FGF14: variants seen among roughly 807,000 people sequenced by gnomAD.
The protein encoded by FGF14 is fibroblast growth factor 14.
Under a neutral mutation model 25.5 loss-of-function variants are expected in FGF14, and 5 were observed. The observed-to-expected ratio is 0.20, with a 90% CI of 0.10 to 0.41. The LOEUF (loss-of-function observed/expected upper bound fraction) is 0.41, where lower values mean the gene tolerates loss of function less well. Among genes scored for constraint, FGF14 ranks in the 10% least tolerant of loss-of-function variants. The pLI, the probability that FGF14 is intolerant of heterozygous loss-of-function variation, is 1.00. For synonymous variants in FGF14, 138 were observed against 118.3 expected, an observed-to-expected ratio of 1.17 and a Z score of -1.08; for missense variants, 222 against 320.1, an observed-to-expected ratio of 0.69 and a Z score of 2.34.
At chr13:102,233,350 C>T (rs762756189) in intron 1 of FGF14, among the ~76,000 whole-genome samples, 5 of 152,024 alleles carry the variant, frequency 3.3e-5, no homozygotes, top group African/African-American at 4.8e-5. Flanking sequence ...AGGCTGTTTT[C>T]GAACTCCTGA....
At chr13:102,290,355 T>C (rs1045855349) in intron 1 of FGF14, among the ~76,000 whole-genome samples, 17 of 152,140 alleles carry the variant, frequency 1.1e-4, no homozygotes, top group African/African-American at 3.9e-4. Context: ...TGCCTGGATA[T>C]TGGACATCCC....
intron 1 of FGF14, among the ~76,000 whole-genome samples, chr13:102,330,134 C>A (rs1369531838): frequency 6.6e-6 from 1 of 152,156 alleles, no homozygotes; most frequent in African/African-American, 2.4e-5. Flanking sequence ...GAGGACAATT[C>A]AGTATTGTTC....
intron 3 of FGF14, among the ~76,000 whole-genome samples, chr13:101,769,715 C>T (rs140721265): frequency 3.6e-4 from 55 of 152,280 alleles, no homozygotes; most frequent in African/African-American, 1.2e-3. Context: ...TAAAAGCCTA[C>T]ATACCACATG....
intron 1 of FGF14, among the ~76,000 whole-genome samples, chr13:101,906,980 C>A (rs766370676): frequency 6.6e-6 from 1 of 152,044 alleles, no homozygotes; most frequent in South Asian, 2.1e-4. Context: ...TTTCTTTCTA[C>A]ATAATGCTTA....
At chr13:102,212,473 G>A (rs1216941975) in intron 1 of FGF14, among the ~76,000 whole-genome samples, 2 of 152,112 alleles carry the variant, frequency 1.3e-5, no homozygotes, top group African/African-American at 4.8e-5. Context: ...TGCTCCCTGG[G>A]CAGCCCTGTC....
At chr13:102,159,139 CAAAAAAAAA>C (rs1228096265) in intron 1 of FGF14, among the ~76,000 whole-genome samples, 1 of 74,124 alleles carries the variant, frequency 1.3e-5, no homozygotes, top group Non-Finnish European at 2.7e-5. Flanking sequence ...GACTCTGTCT[CAAAAAAAAA>C]AAAAAAAAAG....
At chr13:101,726,949 C>G (rs2035479587) in intron 3 of FGF14, 139 bp from the exon 4 acceptor site, 1 of 620,554 alleles carries the variant, frequency 1.6e-6, no homozygotes. Context: ...TTCCTGCGCA[C>G]AGTAATTGTC....
intron 3 of FGF14, among the ~76,000 whole-genome samples, chr13:101,748,144 C>T (rs762860872): frequency 6.6e-6 from 1 of 151,624 alleles, no homozygotes; most frequent in Non-Finnish European, 1.5e-5. Context: ...AGAAATTATT[C>T]TATAAAAAAA....
chr13:102,382,679 T>C (rs2058211895), intron 1 of FGF14, among the ~76,000 whole-genome samples: 1 of 152,140 alleles, frequency 6.6e-6, no homozygotes, highest in South Asian at 2.1e-4. Flanking sequence ...TAAATGTTCA[T>C]AGCTGCATTA....
chr13:102,033,355 T>C (rs750905993), intron 1 of FGF14, among the ~76,000 whole-genome samples: 5 of 152,056 alleles, frequency 3.3e-5, no homozygotes, highest in Non-Finnish European at 5.9e-5. Context: ...TGAGAAGTGG[T>C]GGTTAAAATG....
chr13:102,044,159 G>A lies in FGF14; in HGVS notation c.209-168863C>T, dbSNP rs78853089. On this transcript the variant is annotated intron_variant, in intron 1 of 4. Coordinates refer to the FGF14 transcript ENST00000376131. Reference sequence around the variant, plus strand: ...TTCATCTCACCTGGGGTCAAGACCCGGTTGGCCAGCTGACTGGCCACTGAC... The same window carrying A: ...TTCATCTCACCTGGGGTCAAGACCCAGTTGGCCAGCTGACTGGCCACTGAC... 9.3e-4 allele frequency among the ~76,000 whole-genome samples: 141 copies of A among 152,200 alleles called. 2 individuals are homozygous for A. In the East Asian group the frequency reaches 0.023, roughly 25 times the overall value.
chr13:102,219,005 T>C (rs1467443264), intron 1 of FGF14, among the ~76,000 whole-genome samples: 1 of 152,178 alleles, frequency 6.6e-6, no homozygotes, highest in African/African-American at 2.4e-5. Context: ...CGGCATACAA[T>C]GCATAATAAT....
chr13:102,311,764 G>C (rs1332275307), intron 1 of FGF14, among the ~76,000 whole-genome samples: 22 of 152,174 alleles, frequency 1.4e-4, no homozygotes, highest in Non-Finnish European at 2.9e-5. Flanking sequence ...TCATAGATGA[G>C]AGCTGAACAA....
intron 1 of FGF14, among the ~76,000 whole-genome samples, chr13:102,193,984 T>C (rs2049235311): frequency 6.6e-6 from 1 of 152,124 alleles, no homozygotes; most frequent in Non-Finnish European, 1.5e-5. Context: ...TAAATTATAA[T>C]TTAAAGCCAT....
At chr13:102,081,308 A>C (rs1308069307) in intron 1 of FGF14, among the ~76,000 whole-genome samples, 1 of 152,222 alleles carries the variant, frequency 6.6e-6, no homozygotes, top group East Asian at 1.9e-4. Flanking sequence ...TAGATGCCTG[A>C]GGTGTTTAAG....
chr13:102,256,462 C>G (rs547258565), intron 1 of FGF14, among the ~76,000 whole-genome samples: 1 of 152,220 alleles, frequency 6.6e-6, no homozygotes, highest in Admixed American at 6.5e-5. Context: ...CACGCCACTG[C>G]ACTCCAGCCT....
chr13:101,870,585 A>G (rs980898294), intron 2 of FGF14, among the ~76,000 whole-genome samples: 11 of 152,198 alleles, frequency 7.2e-5, no homozygotes, highest in Non-Finnish European at 1.5e-4. Context: ...GGAAACATAA[A>G]AATTATATAA....
intron 1 of FGF14, among the ~76,000 whole-genome samples, chr13:102,161,290 G>T (rs1367001796): frequency 2.0e-5 from 3 of 152,020 alleles, no homozygotes; most frequent in African/African-American, 7.2e-5. Flanking sequence ...TCCATGTTCT[G>T]TGGAAGATTT....
At chr13:101,961,796 T>C (rs2036875862) in intron 1 of FGF14, among the ~76,000 whole-genome samples, 1 of 152,206 alleles carries the variant, frequency 6.6e-6, no homozygotes, top group Non-Finnish European at 1.5e-5. Context: ...CTGGAATCAT[T>C]ATAAGTTTCC....
Sources: allele counts gnomAD v4.1 joint callset (sites outside exome capture counted in the v4.1 genomes callset), GRCh38; gene constraint gnomAD v4.1.1; transcripts MANE v1.5; gene names NCBI Gene and HGNC (gene_info 2026-07-23, HGNC 2026-07-21).